The following PRMT8 variants were observed in gnomAD, a reference collection of about 807,000 sequenced individuals.
PRMT8 encodes protein arginine methyltransferase 8, also known as protein arginine N-methyltransferase 8.
Under a neutral mutation model 47.1 loss-of-function variants are expected in PRMT8, and 7 were observed. The observed-to-expected ratio is 0.15, with a 90% CI of 0.08 to 0.28. The LOEUF (loss-of-function observed/expected upper bound fraction) is 0.28, where lower values mean the gene tolerates loss of function less well. Ranked by LOEUF, PRMT8 falls within the 10% of genes least tolerant of loss-of-function variation. The pLI is 1.00. For missense variants in PRMT8, 237 were observed against 505.4 expected (o/e 0.47, Z 5.09); for synonymous variants, 188 against 186.5 (o/e 1.01, Z -0.07).
chr12:3,438,115 C>T (rs1336175299), intron 1 of PRMT8, among the ~76,000 whole-genome samples: 2 of 150,618 alleles, frequency 1.3e-5, no homozygotes, highest in Non-Finnish European at 2.9e-5. Context: ...TCCTGGGCAG[C>T]CTCAGAGCCT....
In PRMT8 at chr12:3,569,620, C is replaced by A; in HGVS notation, c.712+56C>A. 1 of 1,426,768 alleles carries A rather than the reference C, an allele frequency of 7.0e-7. No homozygotes were observed. The highest frequency in any genetic ancestry group is 9.9e-7 in the Non-Finnish European group (1 of 1,009,566). The allele number at this position is 1,426,768 out of a possible 1,614,324, so 88.4% of individuals were successfully genotyped here. On this transcript the variant is annotated intron_variant, in intron 6 of 9. Transcript: ENST00000382622. This position sits in a 1 kb window ranked among gnomAD's most constrained non-coding sequence, Gnocchi z 8.2. ...TCCACTGCACAATTGGGGTGGGAGG[C>A]ACTCCAGTGGGCCCGAGATGAGCAG...
At chr12:3,444,548 T>A (rs1864837191) in intron 1 of PRMT8, among the ~76,000 whole-genome samples, 1 of 152,224 alleles carries the variant, frequency 6.6e-6, no homozygotes. Context: ...TGTTTTGTGA[T>A]CAGCAAATGT....
chr12:3,459,767 C>A (rs1865020725), intron 1 of PRMT8, among the ~76,000 whole-genome samples: 1 of 152,068 alleles, frequency 6.6e-6, no homozygotes. Flanking sequence ...CCTTCCTCCT[C>A]CCCTGTCTTC....
intron 1 of PRMT8, among the ~76,000 whole-genome samples, chr12:3,467,239 CAA>C (rs10694948): frequency 3.8e-3 from 184 of 48,792 alleles, no homozygotes; most frequent in Non-Finnish European, 4.9e-3. Context: ...GACTCCATCT[CAA>C]AAAAAAAAAA....
At chr12:3,452,346 C>G (rs1864928251) in intron 1 of PRMT8, among the ~76,000 whole-genome samples, 1 of 152,168 alleles carries the variant, frequency 6.6e-6, no homozygotes. Context: ...TACACACACA[C>G]ACACCCCACA....
chr12:3,454,935 A>G (rs1864957780), intron 1 of PRMT8, among the ~76,000 whole-genome samples: 1 of 152,190 alleles, frequency 6.6e-6, no homozygotes, highest in African/African-American at 2.4e-5. Flanking sequence ...GCTGGTCTAA[A>G]GGACCCCATA....
intron 1 of PRMT8, among the ~76,000 whole-genome samples, chr12:3,470,876 A>C (rs1865154890): frequency 6.6e-6 from 1 of 152,164 alleles, no homozygotes; most frequent in South Asian, 2.1e-4. Flanking sequence ...TTTGTAAAGT[A>C]AGTATTTTGG....
chr12:3,481,400 A>G (rs1217241673), intron 1 of PRMT8, among the ~76,000 whole-genome samples: 2 of 152,152 alleles, frequency 1.3e-5, no homozygotes, highest in African/African-American at 4.8e-5. Flanking sequence ...CCACCCTGAC[A>G]CTGGCTTTTG....
intron 4 of PRMT8, among the ~76,000 whole-genome samples, chr12:3,560,949 C>G (rs1467493312): frequency 5.3e-5 from 8 of 152,150 alleles, no homozygotes. Flanking sequence ...ACAGTAGGTG[C>G]TCAAATGTCA....
chr12:3,471,913 G>T (rs1283236311), intron 1 of PRMT8, among the ~76,000 whole-genome samples: 12 of 152,004 alleles, frequency 7.9e-5, no homozygotes. Context: ...TGATGGTAAG[G>T]TAGCGGGGTG....
intron 1 of PRMT8, among the ~76,000 whole-genome samples, chr12:3,533,541 C>G (rs1866068593): frequency 6.6e-6 from 1 of 152,218 alleles, no homozygotes; most frequent in Admixed American, 6.5e-5. Context: ...CCCAGGGAAG[C>G]CTGGACAACC....
intron 1 of PRMT8, among the ~76,000 whole-genome samples, chr12:3,434,307 G>A (rs897810041): frequency 6.6e-6 from 1 of 152,150 alleles, no homozygotes; most frequent in Non-Finnish European, 1.5e-5. Context: ...CTAGGCACAA[G>A]CAAGAAAAGA....
rs1864406014 is a variant in PRMT8 at position 3,409,611 on chromosome 12, C to T, written c.48+28169C>T. Among the ~76,000 whole-genome samples the T allele has an allele frequency of 6.6e-6, 1 of 152,050 alleles. No individual in the cohort carries two copies. The highest frequency in any genetic ancestry group is 6.5e-5 in the Admixed American group (1 of 15,270). On this transcript the variant is annotated intron_variant, in intron 1 of 9. Coordinates refer to the PRMT8 transcript ENST00000452611. The surrounding 1 kb of genome is among the most constrained non-coding windows in gnomAD (Gnocchi z 4.4). ...TCTAGTTCCAGGGAGGCAGGGTTTT[C>T]CACTTGTTTGGCCTGGGGGCGGGGG...
At chr12:3,527,836 T>C (rs968443960) in intron 1 of PRMT8, among the ~76,000 whole-genome samples, 5 of 152,202 alleles carry the variant, frequency 3.3e-5, no homozygotes, top group African/African-American at 1.2e-4. Flanking sequence ...CTGTGAATGA[T>C]AAAATCTTTC....
At chr12:3,498,788 A>G (rs1004484666) in intron 1 of PRMT8, among the ~76,000 whole-genome samples, 7 of 152,174 alleles carry the variant, frequency 4.6e-5, no homozygotes, top group Non-Finnish European at 1.0e-4. Flanking sequence ...CATCACCTGT[A>G]TTACCCTCCT....
chr12:3,443,950 C>T (rs1432329267), intron 1 of PRMT8, among the ~76,000 whole-genome samples: 1 of 152,192 alleles, frequency 6.6e-6, no homozygotes, highest in Non-Finnish European at 1.5e-5. Context: ...GCATTTCTTT[C>T]GTCTAAGTTC....
At chr12:3,477,561 A>G (rs751063070) in intron 1 of PRMT8, among the ~76,000 whole-genome samples, 3 of 152,176 alleles carry the variant, frequency 2.0e-5, no homozygotes, top group Non-Finnish European at 4.4e-5. Context: ...TCTGATAGAG[A>G]TTTTTAAAAA....
At chr12:3,478,392 A>C (rs1269582838) in intron 1 of PRMT8, among the ~76,000 whole-genome samples, 1 of 152,154 alleles carries the variant, frequency 6.6e-6, no homozygotes, top group Non-Finnish European at 1.5e-5. Flanking sequence ...CCATGCAGGG[A>C]TTTATTCTAC....
chr12:3,517,819 G>A (rs1239457320), intron 1 of PRMT8, among the ~76,000 whole-genome samples: 2 of 152,114 alleles, frequency 1.3e-5, no homozygotes, highest in Non-Finnish European at 2.9e-5. Context: ...CTCAAACCAG[G>A]GAAAAGGAAA....
Sources: allele counts gnomAD v4.1 joint callset (sites outside exome capture counted in the v4.1 genomes callset), GRCh38; gene constraint gnomAD v4.1.1; non-coding constraint Gnocchi (gnomAD v3.1); transcripts MANE v1.5; gene names NCBI Gene and HGNC (gene_info 2026-07-23, HGNC 2026-07-21).